The following LOXHD1 variants were observed in gnomAD, a reference collection of about 807,000 sequenced individuals.
The protein encoded by LOXHD1 is lipoxygenase homology domain-containing protein 1.
LOXHD1 carries 205 observed loss-of-function variants against 248.2 expected under a neutral mutation model. That is an observed-to-expected ratio of 0.83 (90% CI 0.74 to 0.93). The LOEUF (loss-of-function observed/expected upper bound fraction) is 0.93, where lower values mean the gene tolerates loss of function less well. Ranked by LOEUF, LOXHD1 falls within the 40% of genes least tolerant of loss-of-function variation. The pLI is 0.00. For synonymous variants in LOXHD1, 1,113 were observed against 1,162.8 expected, an observed-to-expected ratio of 0.96 and a Z score of 0.87; for missense variants, 2,930 against 2,971.6, an observed-to-expected ratio of 0.99 and a Z score of 0.33.
chr18:46,587,245 G>A (rs778466993), intron 12 of LOXHD1, among the ~76,000 whole-genome samples: 4 of 152,192 alleles, frequency 2.6e-5, no homozygotes, highest in East Asian at 1.9e-4. Flanking sequence ...ATGGTCCAAC[G>A]TATCAACAGT....
At chr18:46,623,197 C>T (rs1327106260) in intron 4 of LOXHD1, among the ~76,000 whole-genome samples, 1 of 152,224 alleles carries the variant, frequency 6.6e-6, no homozygotes, top group East Asian at 1.9e-4. Flanking sequence ...TTACTGCCAT[C>T]TGTTGGATAA....
At chr18:46,649,108 A>G in intron 2 of LOXHD1, 47 bp downstream of exon 2, 1 of 1,485,960 alleles carries the variant, frequency 6.7e-7, no homozygotes, top group South Asian at 1.2e-5. Context: ...AACCTAATCA[A>G]CAGGACTAAT....
At chr18:46,553,614 C>G (rs528275455) in intron 21 of LOXHD1, among the ~76,000 whole-genome samples, 1 of 152,194 alleles carries the variant, frequency 6.6e-6, no homozygotes, top group Non-Finnish European at 1.5e-5. Context: ...GCCAGACATT[C>G]TTCTACGTGC....
chr18:46,649,081 C>G (rs2039073174), intron 2 of LOXHD1, 74 bp downstream of exon 2: 1 of 1,268,226 alleles, frequency 7.9e-7, no homozygotes, highest in South Asian at 1.3e-5. Flanking sequence ...GAGAAGCAGG[C>G]CACCCTTGGG....
intron 6 of LOXHD1, among the ~76,000 whole-genome samples, chr18:46,607,380 CAT>C (rs1212188154): frequency 2.0e-5 from 3 of 148,604 alleles, no homozygotes; most frequent in Admixed American, 1.4e-4. Context: ...TACATATATA[CAT>C]ATATACGTAC....
Position 46,583,570 on chromosome 18 carries a change from A to C in LOXHD1, c.1655-3786T>G, listed in dbSNP as rs141422579. ...CAAAAGAAGACATACAAATGGTTTA[A>C]CAGACAGATGAAAAAAAAAGTTCAA... On this transcript the variant is annotated intron_variant, in intron 12 of 40. Coordinates refer to ENST00000642948, the MANE Select transcript of LOXHD1 (RefSeq NM_001384474.1). Among the ~76,000 whole-genome samples, 417 of 152,260 alleles carry C rather than the reference A, an allele frequency of 2.7e-3. 3 individuals carry two copies. Among genetic ancestry groups the C allele is most frequent in the East Asian group, 7.7e-3 (40 of 5,186 alleles).
At chr18:46,492,542 C>G (rs1444825063) in intron 37 of LOXHD1, among the ~76,000 whole-genome samples, 1 of 152,200 alleles carries the variant, frequency 6.6e-6, no homozygotes, top group African/African-American at 2.4e-5. Flanking sequence ...ATTCAATTAT[C>G]TCCCCCTGGT....
intron 1 of LOXHD1, among the ~76,000 whole-genome samples, chr18:46,650,503 C>T (rs1380610902): frequency 1.3e-5 from 2 of 152,106 alleles, no homozygotes; most frequent in African/African-American, 2.4e-5. Context: ...TATGATTGTA[C>T]CTGATTATCA....
chr18:46,591,379 AG>A (rs1247560097), intron 12 of LOXHD1, among the ~76,000 whole-genome samples: 1 of 152,236 alleles, frequency 6.6e-6, no homozygotes, highest in East Asian at 1.9e-4. Context: ...TGAAAAGGAC[AG>A]GGCATGTGCT....
intron 15 of LOXHD1, among the ~76,000 whole-genome samples, chr18:46,570,978 G>A (rs1291708631): frequency 2.6e-5 from 4 of 152,128 alleles, no homozygotes; most frequent in Non-Finnish European, 5.9e-5. Flanking sequence ...GAGATACCCT[G>A]GGTACTGGTC....
Position 46,509,792 on chromosome 18 carries a change from G to A in LOXHD1, c.5423C>T (p.Thr1808Ile), listed in dbSNP as rs1391046085. 3.6e-5 allele frequency: 56 copies of A among 1,549,968 alleles called. No homozygotes were observed. Among genetic ancestry groups the A allele is most frequent in the Non-Finnish European group, 4.5e-5 (52 of 1,146,374 alleles). ...KARFEREQND[T>I]FIMEILDIAP... ...AATGTCTAGGATCTCCATGATGAAG[G>A]TGTCGTTCTGCTCCCGCTCAAACCT... The change falls in exon 35 of 41, where the codon ACC becomes ATC. Residue 1808 changes from threonine to isoleucine, a missense_variant. Coordinates refer to ENST00000642948, the MANE Select transcript of LOXHD1 (RefSeq NM_001384474.1).
At chr18:46,654,047 T>C (rs988056465) in intron 1 of LOXHD1, among the ~76,000 whole-genome samples, 1 of 152,148 alleles carries the variant, frequency 6.6e-6, no homozygotes, top group Non-Finnish European at 1.5e-5. Flanking sequence ...GGGTGGGGCC[T>C]TTAAGAGGTG....
chr18:46,510,585 G>C (rs1453220429), intron 34 of LOXHD1, among the ~76,000 whole-genome samples: 1 of 152,126 alleles, frequency 6.6e-6, no homozygotes, highest in South Asian at 2.1e-4. Flanking sequence ...TAAGGCCCTC[G>C]GGGTAATGCA....
intron 5 of LOXHD1, among the ~76,000 whole-genome samples, chr18:46,614,042 T>C (rs1282128162): frequency 6.6e-6 from 1 of 152,120 alleles, no homozygotes; most frequent in Non-Finnish European, 1.5e-5. Context: ...CCAGTTAGAA[T>C]GGTGATCATT....
At chr18:46,656,134 C>A (rs1270715801) in intron 1 of LOXHD1, among the ~76,000 whole-genome samples, 1 of 152,148 alleles carries the variant, frequency 6.6e-6, no homozygotes, top group Non-Finnish European at 1.5e-5. Context: ...ACTAGGCAGG[C>A]AGCACTGATG....
At chr18:46,559,303 A>G in intron 20 of LOXHD1, 145 bp downstream of exon 20, 1 of 1,544,822 alleles carries the variant, frequency 6.5e-7, no homozygotes, top group East Asian at 2.5e-5. Flanking sequence ...AGTGTTACTG[A>G]AGAGGTACTG....
intron 20 of LOXHD1, 24 bp from the exon 21 acceptor site, chr18:46,557,513 A>G: frequency 6.4e-7 from 1 of 1,551,676 alleles, no homozygotes; most frequent in Non-Finnish European, 8.7e-7. Context: ...GGGAACACTC[A>G]GTGGGGTAAG....
intron 2 of LOXHD1, among the ~76,000 whole-genome samples, chr18:46,644,015 A>G (rs541750720): frequency 6.6e-6 from 1 of 152,354 alleles, no homozygotes; most frequent in East Asian, 1.9e-4. Context: ...CTAGATGTTG[A>G]GGCCATTATG....
At chr18:46,497,803 T>C (rs987078722) in intron 37 of LOXHD1, among the ~76,000 whole-genome samples, 1 of 152,168 alleles carries the variant, frequency 6.6e-6, no homozygotes, top group African/African-American at 2.4e-5. Flanking sequence ...TCGACTGTTC[T>C]GGGAGTGGGC....
Sources: allele counts gnomAD v4.1 joint callset (sites outside exome capture counted in the v4.1 genomes callset), GRCh38; gene constraint gnomAD v4.1.1; transcripts MANE v1.5; gene names NCBI Gene and HGNC (gene_info 2026-07-23, HGNC 2026-07-21).